The following DNAH8 variants were observed in gnomAD, a reference collection of about 807,000 sequenced individuals.
DNAH8 encodes dynein axonemal heavy chain 8.
Under a neutral mutation model 562.1 loss-of-function variants are expected in DNAH8, and 382 were observed. The ratio of observed to expected loss-of-function variants is 0.68; its 90% CI spans 0.63 to 0.74. The LOEUF is 0.74. Among genes scored for constraint, DNAH8 ranks in the 30% least tolerant of loss-of-function variants. The pLI is 0.00. For missense variants in DNAH8, 5,203 were observed against 5,620.4 expected, an observed-to-expected ratio of 0.93 and a Z score of 2.37; for synonymous variants, 1,881 against 1,919.4, an observed-to-expected ratio of 0.98 and a Z score of 0.52.
Position 38,786,893 on chromosome 6 carries a change from C to T in DNAH8, c.2524C>T (p.Gln842Ter), listed in dbSNP as rs745876485. ...AAAAATGAAGTTGGATGTACCAGAA[C>T]AGGCAAAGAGATTGCTAAAATTGGA... Reference protein sequence around the residue: ...MIKMKLDVPEQAKRLLKLESK... With the variant: ...MIKMKLDVPE The change falls in exon 18 of 93, where the codon CAG (glutamine) becomes TAG (stop). Residue 842 changes from glutamine (Q) to a stop codon, truncating the protein, a stop_gained. Transcript: ENST00000327475. LOFTEE classifies it high-confidence loss of function. 11 of 1,613,058 alleles carry T rather than the reference C, an allele frequency of 6.8e-6. No individual in the cohort carries two copies. Among genetic ancestry groups the T allele is most frequent in the Non-Finnish European group, 8.5e-6 (10 of 1,179,508 alleles).
chr6:38,929,762 G>A (rs1782416493), intron 75 of DNAH8, 96 bp downstream of exon 75: 1 of 1,155,616 alleles, frequency 8.7e-7, no homozygotes, highest in Non-Finnish European at 1.2e-6. Flanking sequence ...AAAGAACAAT[G>A]GTGACATCTA....
rs954445971 is a variant in DNAH8, at chr6:38,873,334, C to T, written c.7578C>T (p.Leu2526=). ...EDTYTYMKLN[L]NPKMQLLECN... ...CATACACATATATGAAGCTAAATCTCAATCCCAAAATGCAGCTCTTGGAGT... is the reference window on the plus strand; with the variant it reads ...CATACACATATATGAAGCTAAATCTTAATCCCAAAATGCAGCTCTTGGAGT... Residue 2526 remains leucine, a synonymous_variant, in exon 52 of 93, where the codon CTC becomes CTT. Transcript: ENST00000327475. 2 of 1,612,186 alleles carry T rather than the reference C, an allele frequency of 1.2e-6. No homozygotes were observed. The highest frequency in any genetic ancestry group is 1.1e-5 in the South Asian group (1 of 90,306).
chr6:38,733,908 G>C (rs1233270742), intron 4 of DNAH8, among the ~76,000 whole-genome samples: 1 of 144,486 alleles, frequency 6.9e-6, no homozygotes. Flanking sequence ...TAAAAAAAAA[G>C]ACTCCATCTA....
intron 24 of DNAH8, among the ~76,000 whole-genome samples, chr6:38,808,220 C>A (rs563843197): frequency 6.6e-6 from 1 of 152,266 alleles, no homozygotes; most frequent in East Asian, 1.9e-4. Flanking sequence ...AATAAAGCTT[C>A]TGTGAGTACC....
Position 38,851,571 on chromosome 6 carries a change from G to A in DNAH8, c.5364-1G>A, listed in dbSNP as rs1250817920. 1.3e-6 allele frequency: 2 copies of A among 1,585,574 alleles called. No individual in the cohort carries two copies. The highest frequency in any genetic ancestry group is 8.6e-7 in the Non-Finnish European group (1 of 1,165,080). ...TAACATACTGTCGACTTTATTTGAA[G>A]GTATTTGGAGAAGAAACGATTACTG... On this transcript the variant is annotated splice_acceptor_variant, in intron 38 of 92. Coordinates refer to ENST00000327475, the MANE Select transcript of DNAH8 (RefSeq NM_001206927.2). LOFTEE classifies it high-confidence loss of function.
In DNAH8 at chr6:38,873,016, ATT is replaced by A; in HGVS notation, c.7349_7350del (p.Ile2450ThrfsTer5). The A allele has an allele frequency of 6.2e-7, 1 of 1,614,162 alleles. No homozygotes were observed. The highest frequency in any genetic ancestry group is 8.5e-7 in the Non-Finnish European group (1 of 1,179,998). On this transcript the variant is annotated frameshift_variant, in exon 51 of 93. Transcript: ENST00000327475. LOFTEE classifies it high-confidence loss of function. ...TCTGACGTTAGCTAATGGAGATCGC[ATT>A]CCCATGGCCCCTAGTTGTAAGCTTC... ...KTLTLANGDR[I>X]PMAPSCKLLF...
intron 26 of DNAH8, chr6:38,822,507 T>G (rs903571635): frequency 1.0e-4 from 19 of 184,866 alleles, no homozygotes; most frequent in Admixed American, 9.1e-4. Flanking sequence ...ACTGCGCTAT[T>G]CCTCAGGGTG....
chr6:39,010,104 C>T (rs1473529084), intron 89 of DNAH8, among the ~76,000 whole-genome samples: 1 of 151,826 alleles, frequency 6.6e-6, no homozygotes, highest in African/African-American at 2.4e-5. Context: ...TAGCTGGGGC[C>T]ACTTCACCAA....
chr6:38,784,539 G>A (rs1582996965), intron 17 of DNAH8, among the ~76,000 whole-genome samples: 1 of 152,062 alleles, frequency 6.6e-6, no homozygotes, highest in African/African-American at 2.4e-5. Flanking sequence ...GACACTTACT[G>A]CTTTATAGAT....
intron 9 of DNAH8, among the ~76,000 whole-genome samples, chr6:38,754,074 T>C (rs1049861756): frequency 2.0e-5 from 3 of 152,210 alleles, no homozygotes; most frequent in Admixed American, 6.5e-5. Context: ...TTCTGGTTCA[T>C]AAGTTTTATG....
intron 91 of DNAH8, among the ~76,000 whole-genome samples, chr6:39,022,591 C>G (rs1766997880): frequency 6.6e-6 from 1 of 152,244 alleles, no homozygotes; most frequent in South Asian, 2.1e-4. Context: ...TCGAGCCATA[C>G]CTTGCTTTGT....
At position 39,030,328 on chromosome 6, in the gene DNAH8, G is replaced by T. The variant is rs907018999; in HGVS notation, c.14060G>T (p.Arg4687Leu). 1 of 1,613,836 alleles carries T rather than the reference G, an allele frequency of 6.2e-7. No individual in the cohort carries two copies. The highest frequency in any genetic ancestry group is 1.3e-5 in the African/African-American group (1 of 74,872). Reference protein sequence around the residue: ...DLTFITVVYLRTVLSPDHWIL... With the variant: ...DLTFITVVYLLTVLSPDHWIL... The stretch of plus-strand genomic sequence containing the variant: ...ACCTTCATCACTGTGGTATATTTAC[G>T]AACAGTGTTGTCCCCGGATCACTGG... Residue 4687 changes from arginine to leucine, a missense_variant, in exon 93 of 93, where the codon CGA becomes CTA. This residue lies in a region of DNAH8 where 1,399 missense variants were observed against 1,518.4 expected (regional missense o/e 0.92). Coordinates refer to ENST00000327475, the MANE Select transcript of DNAH8 (RefSeq NM_001206927.2).
intron 30 of DNAH8, among the ~76,000 whole-genome samples, chr6:38,831,559 A>G (rs1773839653): frequency 6.6e-6 from 1 of 152,138 alleles, no homozygotes; most frequent in African/African-American, 2.4e-5. Flanking sequence ...TACAGTCACC[A>G]TTAAACTTGA....
In DNAH8 at chr6:38,723,343, T is replaced by C; in HGVS notation, c.397T>C (p.Phe133Leu). The C allele has an allele frequency of 6.2e-7, 1 of 1,601,856 alleles. No homozygotes were observed. The highest frequency in any genetic ancestry group is 8.5e-7 in the Non-Finnish European group (1 of 1,177,312). Residue 133 changes from phenylalanine to leucine, a missense_variant, in exon 3 of 93, where the codon TTT (phenylalanine) becomes CTT (leucine). Physicochemically the swap from Phe to Leu is conservative, Grantham distance 22 (BLOSUM62 0). Transcript: ENST00000327475. The stretch of plus-strand genomic sequence containing the variant: ...CTTGGTTTTCATTCCTTAGGCAAGA[T>C]TTAGAGAGGCAAGGGAAAGCCGAAG... ...QETLKERQAR[F>L]REARESRRLK...
At chr6:38,722,577 G>GTGTGTGTGTGTGT (rs1491079737) in intron 1 of DNAH8, among the ~76,000 whole-genome samples, 199 bp from the exon 2 acceptor site, 4 of 150,880 alleles carry the variant, frequency 2.7e-5, no homozygotes, top group African/African-American at 9.8e-5. Context: ...CTCCCAGGTG[G>GTGTGTGTGTGTGT]GTGGGGGTGT....
intron 9 of DNAH8, among the ~76,000 whole-genome samples, chr6:38,753,809 G>A (rs902178329): frequency 6.6e-6 from 1 of 151,984 alleles, no homozygotes. Context: ...CCTTATTATT[G>A]TTATTTTGTT....
In DNAH8 at chr6:38,901,708, A is replaced by G. The variant is rs751949136; in HGVS notation, c.9194+1802A>G. Among the ~76,000 whole-genome samples the G allele has an allele frequency of 1.4e-4, 22 of 152,224 alleles. 1 individual carries two copies. Among genetic ancestry groups the G allele is most frequent in the Non-Finnish European group, 2.5e-4 (17 of 68,042 alleles). ...AAAATTTAGATCACTTTGCCAATTTATAAACAAACACACAAATCATTCTGC... is the reference window on the plus strand; with the variant it reads ...AAAATTTAGATCACTTTGCCAATTTGTAAACAAACACACAAATCATTCTGC... On this transcript the variant is annotated intron_variant, in intron 62 of 92. Coordinates refer to ENST00000327475, the MANE Select transcript of DNAH8 (RefSeq NM_001206927.2).
chr6:38,780,975 A>G (rs1308972432), intron 15 of DNAH8, among the ~76,000 whole-genome samples: 2 of 152,158 alleles, frequency 1.3e-5, no homozygotes, highest in African/African-American at 2.4e-5. Context: ...ATATGTAGCT[A>G]TGTGCTCCGT....
At chr6:38,773,991 C>T (rs1023839170) in intron 12 of DNAH8, among the ~76,000 whole-genome samples, 1 of 152,086 alleles carries the variant, frequency 6.6e-6, no homozygotes, top group African/African-American at 2.4e-5. Context: ...TGGGGCCCTT[C>T]GAGGAGTAAG....
Sources: gnomAD v4.1 joint callset for allele counts (sites outside exome capture counted in the v4.1 genomes callset) on GRCh38, gnomAD v4.1.1 for gene constraint, gnomAD v4.1.1 regional missense constraint, MANE v1.5 for transcripts, NCBI Gene and HGNC (gene_info 2026-07-23, HGNC 2026-07-21) for gene names.